The following PCP4 variants were observed in gnomAD, a reference collection of about 807,000 sequenced individuals.
PCP4 encodes the protein Purkinje cell protein 4.
PCP4 carries 8 observed loss-of-function variants against 10.0 expected under a neutral mutation model. The observed-to-expected ratio is 0.80, with a 90% CI of 0.47 to 1.45. The LOEUF (loss-of-function observed/expected upper bound fraction) is 1.45. Ranked by LOEUF, PCP4 falls within the 40% of genes most tolerant of loss-of-function variation. PCP4 has a pLI of 0.00. For missense variants in PCP4, 54 were observed against 74.4 expected (o/e 0.73, Z 1.01); for synonymous variants, 21 against 23.0 (o/e 0.91, Z 0.24).
intron 1 of PCP4, among the ~76,000 whole-genome samples, chr21:39,874,731 AAAAC>A (rs1279020218): frequency 1.3e-5 from 2 of 152,072 alleles, no homozygotes; most frequent in Non-Finnish European, 2.9e-5. Context: ...ATTTTAAAAA[AAAAC>A]CTAGTTAAAA....
chr21:39,903,284 T>G (rs563383613), intron 2 of PCP4, among the ~76,000 whole-genome samples: 1 of 152,196 alleles, frequency 6.6e-6, no homozygotes, highest in Non-Finnish European at 1.5e-5. Flanking sequence ...CTTAGCGAGC[T>G]GTGATGCATT....
intron 2 of PCP4, among the ~76,000 whole-genome samples, chr21:39,909,026 G>T (rs1054494969): frequency 2.0e-5 from 3 of 152,120 alleles, no homozygotes; most frequent in African/African-American, 7.2e-5. Context: ...ACAACCAGGG[G>T]AATTGCTCTT....
At chr21:39,877,287 C>A (rs1206020374) in intron 1 of PCP4, among the ~76,000 whole-genome samples, 1 of 152,178 alleles carries the variant, frequency 6.6e-6, no homozygotes, top group Non-Finnish European at 1.5e-5. Flanking sequence ...AGGTCTTCCA[C>A]TCTATTTCTA....
At chr21:39,899,005 C>T (rs1395962628) in intron 2 of PCP4, among the ~76,000 whole-genome samples, 1 of 152,160 alleles carries the variant, frequency 6.6e-6, no homozygotes, top group African/African-American at 2.4e-5. Flanking sequence ...AGCGATTCAC[C>T]AGCAAATAAA....
chr21:39,873,515 ATTTCT>A (rs1165416692), intron 1 of PCP4, among the ~76,000 whole-genome samples: 1 of 152,146 alleles, frequency 6.6e-6, no homozygotes, highest in African/African-American at 2.4e-5. Context: ...ATGGATTCAA[ATTTCT>A]TTTCTTGGGG....
At chr21:39,912,286 A>G (rs994810) in intron 2 of PCP4, among the ~76,000 whole-genome samples, 69,917 of 151,102 alleles carry the variant, frequency 0.46, 17,006 homozygotes, top group South Asian at 0.66. Context: ...TCAAGGGATG[A>G]TATTTCATTG....
At chr21:39,880,194 ATATC>A (rs1206980883) in intron 1 of PCP4, among the ~76,000 whole-genome samples, 1,595 of 130,554 alleles carry the variant, frequency 0.012, 41 homozygotes, top group African/African-American at 0.048. Context: ...ATATCTATCT[ATATC>A]TATTCCCTGT....
chr21:39,890,312 G>A (rs12106362), intron 1 of PCP4, among the ~76,000 whole-genome samples: 9,043 of 152,188 alleles, frequency 0.059, 344 homozygotes, highest in East Asian at 0.088. Context: ...AGGAAATATC[G>A]GTCATTCCAA....
At chr21:39,895,387 C>G (rs2058823996) in intron 1 of PCP4, among the ~76,000 whole-genome samples, 1 of 152,234 alleles carries the variant, frequency 6.6e-6, no homozygotes, top group Non-Finnish European at 1.5e-5. Context: ...GCCAAGTGTT[C>G]TCAAAACTCC....
intron 2 of PCP4, among the ~76,000 whole-genome samples, chr21:39,919,950 GGAGT>G (rs879488828): frequency 6.0e-5 from 9 of 150,228 alleles, no homozygotes; most frequent in South Asian, 2.1e-4. Context: ...GCATGTGTGT[GGAGT>G]GAGAGGTGTG....
At chr21:39,874,764 A>G (rs1023444472) in intron 1 of PCP4, among the ~76,000 whole-genome samples, 7 of 152,004 alleles carry the variant, frequency 4.6e-5, no homozygotes, top group Non-Finnish European at 8.8e-5. Context: ...CTGCTTTAAA[A>G]TTTATGATTC....
In PCP4 at chr21:39,929,028, G is replaced by A; in HGVS notation, c.106G>A (p.Ala36Thr). The change falls in exon 3 of 3, where the codon GCA becomes ACA. Residue 36 changes from alanine to threonine, a missense_variant. By Grantham distance (58) the Ala-to-Thr change is moderately conservative (BLOSUM62 0). Coordinates refer to ENST00000328619, the MANE Select transcript of PCP4 (RefSeq NM_006198.3). ...AGAAGAATTTGACATTGACATGGAT[G>A]CACCAGAGACAGAACGTGCAGCGGT... is the stretch of plus-strand genomic sequence containing the variant. ...VQEEFDIDMD[A>T]PETERAAVAI... The A allele has an allele frequency of 1.2e-6, 2 of 1,612,916 alleles. No individual in the cohort carries two copies. Among genetic ancestry groups the A allele is most frequent in the African/African-American group, 1.3e-5 (1 of 74,916 alleles).
intron 2 of PCP4, among the ~76,000 whole-genome samples, chr21:39,912,416 A>G (rs922112573): frequency 2.6e-5 from 4 of 152,100 alleles, no homozygotes; most frequent in African/African-American, 9.7e-5. Flanking sequence ...GAAAAGAATA[A>G]AAGTAATCCA....
chr21:39,877,960 C>A lies in PCP4; in HGVS notation c.9+10450C>A, dbSNP rs114546846. Among the ~76,000 whole-genome samples, 1,415 of 152,196 alleles carry A rather than the reference C, an allele frequency of 9.3e-3. 15 individuals are homozygous for A. Among genetic ancestry groups the A allele is most frequent in the African/African-American group, 0.032 (1,311 of 41,512 alleles). On this transcript the variant is annotated intron_variant, in intron 1 of 2. Coordinates refer to ENST00000328619, the MANE Select transcript of PCP4 (RefSeq NM_006198.3). ...CCATTGCATATATAATCAGTCATCA[C>A]AAATTTTGTAGTCACATTTCTTTTT... is the stretch of plus-strand genomic sequence containing the variant.
At chr21:39,919,694 G>T (rs1288440034) in intron 2 of PCP4, among the ~76,000 whole-genome samples, 1 of 151,552 alleles carries the variant, frequency 6.6e-6, no homozygotes, top group African/African-American at 2.4e-5. Context: ...ATGTGTGTAT[G>T]TCTATGGTGT....
chr21:39,925,263 A>G (rs1473009772), intron 2 of PCP4, among the ~76,000 whole-genome samples: 1 of 152,164 alleles, frequency 6.6e-6, no homozygotes, highest in African/African-American at 2.4e-5. Context: ...GCCCTCCTCC[A>G]TGACAATGCT....
chr21:39,929,325 C>G lies in PCP4; in HGVS notation c.*214C>G, dbSNP rs1350361717. 2.6e-6 allele frequency: 1 copy of G among 378,412 alleles called. No homozygotes were observed. Among genetic ancestry groups the G allele is most frequent in the African/African-American group, 2.1e-5 (1 of 48,128 alleles). The allele number at this position is 378,412 out of a possible 1,614,324, so 23.4% of individuals were successfully genotyped here. ...TGAGTAGCTTAATCTCTATGTTTCT[C>G]TCCATTTTCATTCCTCCTGCAACTA... On this transcript the variant is annotated 3_prime_UTR_variant, in exon 3 of 3. Coordinates refer to ENST00000328619, the MANE Select transcript of PCP4 (RefSeq NM_006198.3).
intron 2 of PCP4, among the ~76,000 whole-genome samples, chr21:39,922,953 C>T (rs1048101637): frequency 6.6e-6 from 1 of 152,124 alleles, no homozygotes; most frequent in African/African-American, 2.4e-5. Flanking sequence ...ATCAATAAGT[C>T]GGGTTTCCCC....
Position 39,883,030 on chromosome 21 carries a change from G to A in PCP4, c.10-15446G>A, listed in dbSNP as rs564505263. 5.9e-5 allele frequency among the ~76,000 whole-genome samples: 9 copies of A among 152,324 alleles called. No homozygotes were observed. In the South Asian group the frequency reaches 8.3e-4, roughly 14 times the overall value. ...CTAATCACAGCAGCTGCTCTAGCTA[G>A]CATCTGGCTCATATACCAGCAGCCT... On this transcript the variant is annotated intron_variant, in intron 1 of 2. Transcript: ENST00000328619.
Sources: gnomAD v4.1 joint callset for allele counts (sites outside exome capture counted in the v4.1 genomes callset) on GRCh38, gnomAD v4.1.1 for gene constraint, MANE v1.5 for transcripts, NCBI Gene and HGNC (gene_info 2026-07-23, HGNC 2026-07-21) for gene names.